The following DNAJC11 variants were observed in gnomAD, a reference collection of about 807,000 sequenced individuals.
The protein encoded by DNAJC11 is dnaJ homolog subfamily C member 11.
A neutral mutation model predicts 78.6 loss-of-function variants in DNAJC11; 15 were observed. That is an observed-to-expected ratio of 0.19 (90% CI 0.13 to 0.29). DNAJC11 has a LOEUF of 0.29. Among genes scored for constraint, DNAJC11 ranks in the 10% least tolerant of loss-of-function variants. DNAJC11 has a pLI of 1.00. For synonymous variants in DNAJC11, 292 were observed against 272.1 expected, an observed-to-expected ratio of 1.07 and a Z score of -0.72; for missense variants, 547 against 709.6, an observed-to-expected ratio of 0.77 and a Z score of 2.60.
intron 7 of DNAJC11, among the ~76,000 whole-genome samples, chr1:6,649,368 A>G (rs1273779675): frequency 6.6e-6 from 1 of 151,840 alleles, no homozygotes; most frequent in African/African-American, 2.4e-5. Context: ...ACAGAGTTTC[A>G]CCGTGTTAGC....
intron 10 of DNAJC11, among the ~76,000 whole-genome samples, chr1:6,643,434 C>A (rs1375739440): frequency 2.6e-5 from 4 of 151,956 alleles, no homozygotes; most frequent in Non-Finnish European, 4.4e-5. Context: ...CGCCACCACG[C>A]CCGGTTAATT....
chr1:6,667,557 T>A lies in DNAJC11; in HGVS notation c.378+152A>T, dbSNP rs1158277663. 7 of 657,500 alleles carry A rather than the reference T, an allele frequency of 1.1e-5. No homozygotes were observed. The East Asian group carries it at 1.9e-4, about 18-fold the overall frequency. 40.7% of individuals were successfully genotyped at this position (657,500 alleles called of 1,614,324 possible). On this transcript the variant is annotated intron_variant, in intron 4 of 15. Coordinates refer to ENST00000377577, the MANE Select transcript of DNAJC11 (RefSeq NM_018198.4). ...ACCAGGGAGGTGTTTTCCAGAAAGA[T>A]ACAACTTTGACATAATATAAGCTAA...
intron 3 of DNAJC11, among the ~76,000 whole-genome samples, chr1:6,674,607 T>C (rs1642431416): frequency 6.6e-6 from 1 of 151,832 alleles, no homozygotes; most frequent in Non-Finnish European, 1.5e-5. Flanking sequence ...TGCATGCCTG[T>C]AGTCTCAGCT....
intron 3 of DNAJC11, among the ~76,000 whole-genome samples, chr1:6,677,488 G>T (rs368810730): frequency 4.6e-5 from 7 of 152,082 alleles, no homozygotes; most frequent in African/African-American, 1.7e-4. Flanking sequence ...GTAGAGACAG[G>T]GTCTTGCTAT....
chr1:6,652,296 T>C (rs531198133), intron 6 of DNAJC11, among the ~76,000 whole-genome samples: 1 of 152,346 alleles, frequency 6.6e-6, no homozygotes, highest in African/African-American at 2.4e-5. Flanking sequence ...ACAGGCTTTT[T>C]GCTCAAAGGG....
At chr1:6,642,116 T>C (rs1255344644) in intron 10 of DNAJC11, among the ~76,000 whole-genome samples, 1 of 152,114 alleles carries the variant, frequency 6.6e-6, no homozygotes. Flanking sequence ...GCCTGGTGTG[T>C]GCCAGGAATA....
Position 6,644,226 on chromosome 1 carries a change from C to T in DNAJC11, c.1097+332G>A, listed in dbSNP as rs183272878. Among the ~76,000 whole-genome samples the T allele has an allele frequency of 2.5e-3, 374 of 151,730 alleles. 1 individual carries two copies. The highest frequency in any genetic ancestry group is 0.021 in the Middle Eastern group (6 of 288). On this transcript the variant is annotated intron_variant, in intron 10 of 15. Coordinates refer to ENST00000377577, the MANE Select transcript of DNAJC11 (RefSeq NM_018198.4). ...CTCAGCTCACTGCAACCTCCGCCTTCGGGTTCAAGCAATTCTCCTGCCTCG... is the reference window on the plus strand; with the variant it reads ...CTCAGCTCACTGCAACCTCCGCCTTTGGGTTCAAGCAATTCTCCTGCCTCG...
At chr1:6,663,956 G>A (rs1642256791) in intron 4 of DNAJC11, among the ~76,000 whole-genome samples, 1 of 152,148 alleles carries the variant, frequency 6.6e-6, no homozygotes, top group Non-Finnish European at 1.5e-5. Flanking sequence ...CTGGACGCAG[G>A]GCCCTGGACA....
At chr1:6,701,390 G>C (rs749441431) in intron 1 of DNAJC11, among the ~76,000 whole-genome samples, 6 of 152,164 alleles carry the variant, frequency 3.9e-5, no homozygotes, top group South Asian at 2.1e-4. Context: ...AGCGCGAGAC[G>C]GGGTCTCGGA....
rs571710082 is a variant in DNAJC11 at position 6,644,975 on chromosome 1, T to G, written c.980+66A>C. On this transcript the variant is annotated intron_variant, in intron 9 of 15. Coordinates refer to ENST00000377577, the MANE Select transcript of DNAJC11 (RefSeq NM_018198.4). ...CACGAGCAAGGTGTCTTACACCAAC[T>G]GGTTCCACTGTGAAGACCCGCATGC... 1.3e-4 allele frequency: 181 copies of G among 1,442,262 alleles called. 1 individual carries two copies. In the African/African-American group the frequency reaches 2.4e-3, roughly 19 times the overall value. 89.3% of individuals were successfully genotyped at this position (1,442,262 alleles called of 1,614,324 possible). A position where few individuals can be genotyped will look rare whatever the true frequency, so the allele number is the denominator to read the frequency against.
intron 1 of DNAJC11, among the ~76,000 whole-genome samples, chr1:6,699,836 C>A (rs1570322191): frequency 6.6e-6 from 1 of 152,150 alleles, no homozygotes; most frequent in Non-Finnish European, 1.5e-5. Flanking sequence ...CCTATGGCAG[C>A]CTAACAAAAT....
At chr1:6,644,855 T>G (rs950665094) in intron 9 of DNAJC11, among the ~76,000 whole-genome samples, 181 bp from the exon 10 acceptor site, 1 of 152,152 alleles carries the variant, frequency 6.6e-6, no homozygotes, top group African/African-American at 2.4e-5. Flanking sequence ...CACAACACTC[T>G]CTAAGCTCCT....
At chr1:6,639,746 G>A (rs1424583205) in intron 11 of DNAJC11, among the ~76,000 whole-genome samples, 156 bp downstream of exon 11, 2 of 152,166 alleles carry the variant, frequency 1.3e-5, no homozygotes, top group East Asian at 1.9e-4. Context: ...TTTACCAATC[G>A]TGACCCAGAC....
At chr1:6,701,586 G>A (rs1393707549) in intron 1 of DNAJC11, 143 bp downstream of exon 1, 2 of 782,164 alleles carry the variant, frequency 2.6e-6, no homozygotes, top group East Asian at 3.5e-5. Context: ...TCGGGCGGCT[G>A]GCGTGCACGT....
chr1:6,657,708 G>A (rs1450995071), intron 4 of DNAJC11, among the ~76,000 whole-genome samples: 1 of 152,178 alleles, frequency 6.6e-6, no homozygotes, highest in Non-Finnish European at 1.5e-5. Context: ...GCAGTGGCAC[G>A]ATCTCGGCTC....
chr1:6,651,996 G>A (rs763091741), intron 6 of DNAJC11, among the ~76,000 whole-genome samples: 2 of 141,504 alleles, frequency 1.4e-5, no homozygotes, highest in Admixed American at 7.5e-5. Context: ...ATGCACTGCC[G>A]ACTCCTTTTC....
Position 6,680,777 on chromosome 1 carries a change from A to C in DNAJC11, c.202+131T>G, listed in dbSNP as rs1328443508. 1.8e-6 allele frequency: 2 copies of C among 1,100,084 alleles called. No homozygotes were observed. Among genetic ancestry groups the C allele is most frequent in the Non-Finnish European group, 1.3e-6 (1 of 787,048 alleles). 68.1% of individuals were successfully genotyped at this position (1,100,084 alleles called of 1,614,324 possible). On this transcript the variant is annotated intron_variant, in intron 2 of 15. Coordinates refer to ENST00000377577, the MANE Select transcript of DNAJC11 (RefSeq NM_018198.4). This position sits in a 1 kb window ranked among gnomAD's most constrained non-coding sequence, Gnocchi z 4.0. Reference sequence around the variant, plus strand: ...TTCTTTCAAAGGACCCTGTCAGTGAAAAGTACTAAACTAACCACCTGTTTT... The same window carrying C: ...TTCTTTCAAAGGACCCTGTCAGTGACAAGTACTAAACTAACCACCTGTTTT...
chr1:6,661,062 A>G (rs893706102), intron 4 of DNAJC11, among the ~76,000 whole-genome samples: 1 of 152,260 alleles, frequency 6.6e-6, no homozygotes, highest in African/African-American at 2.4e-5. Flanking sequence ...TGCCAGGTGT[A>G]CAGTGTGCTG....
At chr1:6,635,728 A>G in intron 15 of DNAJC11, 28 bp from the exon 16 acceptor site, 1 of 1,614,062 alleles carries the variant, frequency 6.2e-7, no homozygotes, top group Non-Finnish European at 8.5e-7. Flanking sequence ...GACGCAGGTG[A>G]TCAGAAGGTG....
Sources: gnomAD v4.1 joint callset for allele counts (sites outside exome capture counted in the v4.1 genomes callset) on GRCh38, gnomAD v4.1.1 for gene constraint, Gnocchi (gnomAD v3.1) non-coding constraint, MANE v1.5 for transcripts, NCBI Gene and HGNC (gene_info 2026-07-23, HGNC 2026-07-21) for gene names.